The following SEPTIN7 variants were observed in gnomAD, a reference collection of about 807,000 sequenced individuals.
SEPTIN7 encodes the protein septin 7, also known as septin-7.
In SEPTIN7, 10 loss-of-function variants were observed where a neutral mutation model predicts 63.3. That is an observed-to-expected ratio of 0.16 (90% confidence interval 0.10 to 0.27). SEPTIN7 has a LOEUF of 0.27. Ranked by LOEUF, SEPTIN7 falls within the 10% of genes least tolerant of loss-of-function variation. The pLI, the probability that SEPTIN7 is intolerant of heterozygous loss-of-function variation, is 1.00. For synonymous variants in SEPTIN7, 131 were observed against 165.3 expected (o/e 0.79, Z 1.59); for missense variants, 310 against 521.0 (o/e 0.59, Z 3.94).
At chr7:35,865,765 T>A (rs1264365703) in intron 4 of SEPTIN7, among the ~76,000 whole-genome samples, 1 of 152,202 alleles carries the variant, frequency 6.6e-6, no homozygotes, top group Non-Finnish European at 1.5e-5. Flanking sequence ...ATAGGAGTTT[T>A]AAAAATCTAA....
chr7:35,896,603 TAAG>T (rs1389953797), intron 11 of SEPTIN7, among the ~76,000 whole-genome samples: 2 of 152,208 alleles, frequency 1.3e-5, no homozygotes, highest in Non-Finnish European at 2.9e-5. Context: ...AGTATATTAT[TAAG>T]AAGCATCTCA....
chr7:35,802,175 G>A (rs1329238390), intron 1 of SEPTIN7: 6 of 235,082 alleles, frequency 2.6e-5, no homozygotes, highest in African/African-American at 9.1e-5. Context: ...TTCTCTTAAC[G>A]AGCCCTTTCA....
Position 35,809,689 on chromosome 7 carries a change from T to G in SEPTIN7, c.61+8419T>G, listed in dbSNP as rs1170299316. ...AGGAGTAAAGATAATTATTCTAGAC[T>G]GAGAAATTATGTTAGTATCAGGTTA... On this transcript the variant is annotated intron_variant, in intron 1 of 13. Coordinates refer to ENST00000350320, the MANE Select transcript of SEPTIN7 (RefSeq NM_001788.6). Among the ~76,000 whole-genome samples, 16 of 152,320 alleles carry G rather than the reference T, an allele frequency of 1.1e-4. 1 individual carries two copies. The East Asian group carries it at 2.7e-3, about 26-fold the overall frequency.
intron 11 of SEPTIN7, among the ~76,000 whole-genome samples, chr7:35,891,625 C>T (rs1231517386): frequency 6.6e-6 from 1 of 152,138 alleles, no homozygotes; most frequent in African/African-American, 2.4e-5. Context: ...AGATTGATTG[C>T]TCTGGATGAG....
rs1788540964 is a variant in SEPTIN7, at chr7:35,905,028, A to T, written c.*735A>T. On this transcript the variant is annotated 3_prime_UTR_variant, in exon 14 of 14. Coordinates refer to ENST00000350320, the MANE Select transcript of SEPTIN7 (RefSeq NM_001788.6). Reference sequence around the variant, plus strand: ...AATATAGCATCTTTCATATGGTAGGAACCAACAAGGAAACTTTCCTTTAAC... The same window carrying T: ...AATATAGCATCTTTCATATGGTAGGTACCAACAAGGAAACTTTCCTTTAAC... The T allele has an allele frequency of 6.6e-6, 1 of 152,628 alleles. No individual in the cohort carries two copies. Among genetic ancestry groups the T allele is most frequent in the Admixed American group, 6.5e-5 (1 of 15,276 alleles). 9.5% of individuals were successfully genotyped at this position (152,628 alleles called of 1,614,324 possible). A position where few individuals can be genotyped will look rare whatever the true frequency, so the allele number is the denominator to read the frequency against.
the SEPTIN7 span, among the ~76,000 whole-genome samples, chr7:35,913,745 A>G: frequency 6.6e-6 from 1 of 152,050 alleles, no homozygotes; most frequent in Non-Finnish European, 1.5e-5. Context: ...GCATGCCACC[A>G]TGCCTAACTA....
At chr7:35,832,469 C>T (rs1783878976) in intron 2 of SEPTIN7, among the ~76,000 whole-genome samples, 1 of 151,772 alleles carries the variant, frequency 6.6e-6, no homozygotes, top group Non-Finnish European at 1.5e-5. Context: ...GTGAAGAATC[C>T]TTTGTTATTT....
intron 1 of SEPTIN7, among the ~76,000 whole-genome samples, chr7:35,807,465 C>T (rs1788424447): frequency 6.7e-6 from 1 of 150,196 alleles, no homozygotes; most frequent in African/African-American, 2.4e-5. Flanking sequence ...CCCGGGTTCA[C>T]ACCATTCTCC....
chr7:35,856,032 A>C (rs949811112), intron 3 of SEPTIN7, among the ~76,000 whole-genome samples: 1 of 152,134 alleles, frequency 6.6e-6, no homozygotes, highest in African/African-American at 2.4e-5. Flanking sequence ...ATGTGTTTCT[A>C]ATTTCCTTAA....
intron 4 of SEPTIN7, among the ~76,000 whole-genome samples, chr7:35,867,675 C>T (rs1168386472): frequency 6.6e-6 from 1 of 152,154 alleles, no homozygotes; most frequent in Non-Finnish European, 1.5e-5. Context: ...TTAAATCATA[C>T]TTCATGTCAC....
intron 10 of SEPTIN7, among the ~76,000 whole-genome samples, chr7:35,887,974 TAAGA>T (rs1389401252): frequency 6.6e-6 from 1 of 152,196 alleles, no homozygotes; most frequent in Non-Finnish European, 1.5e-5. Context: ...TGATTGCTTC[TAAGA>T]AAGAGGCAAG....
At chr7:35,830,889 G>A (rs1470528577) in intron 1 of SEPTIN7, among the ~76,000 whole-genome samples, 1 of 151,908 alleles carries the variant, frequency 6.6e-6, no homozygotes, top group Admixed American at 6.6e-5. Flanking sequence ...TCCTTTTCCT[G>A]TATCTAAATG....
chr7:35,903,055 A>G (rs1351024209), intron 12 of SEPTIN7, 21 bp from the exon 13 acceptor site: 9 of 1,530,336 alleles, frequency 5.9e-6, no homozygotes, highest in African/African-American at 2.8e-5. Flanking sequence ...GTTTTGTTTT[A>G]TATATTGTGC....
chr7:35,877,193 GTTATTCCATCTACACACAC>G (rs1194173346), intron 6 of SEPTIN7, among the ~76,000 whole-genome samples: 1 of 151,776 alleles, frequency 6.6e-6, no homozygotes, highest in Non-Finnish European at 1.5e-5. Context: ...TATAAACAGG[GTTATTCCATCTACACACAC>G]TTTTTTCGTT....
chr7:35,807,294 C>G (rs1378552988), intron 1 of SEPTIN7, among the ~76,000 whole-genome samples: 1 of 151,018 alleles, frequency 6.6e-6, no homozygotes, highest in Non-Finnish European at 1.5e-5. Context: ...AGTGATTCTC[C>G]TGCCTCAGCC....
rs926299132 is a variant in SEPTIN7, at chr7:35,906,916, A to G, written c.*2623A>G. The G allele has an allele frequency of 4.6e-5, 7 of 152,238 alleles. No homozygotes were observed. The highest frequency in any genetic ancestry group is 1.7e-4 in the African/African-American group (7 of 41,454). The allele number at this position is 152,238 out of a possible 1,614,324, so 9.4% of individuals were successfully genotyped here. A position where few individuals can be genotyped will look rare whatever the true frequency, so the allele number is the denominator to read the frequency against. On this transcript the variant is annotated 3_prime_UTR_variant, in exon 14 of 14. Transcript: ENST00000350320. ...TAGCTATGAATGCATGAGGAGCGAA[A>G]TGTTGACTCAGTTATCTAGATCATG...
chr7:35,842,640 T>C (rs1238183661), intron 3 of SEPTIN7, among the ~76,000 whole-genome samples: 1 of 152,324 alleles, frequency 6.6e-6, no homozygotes, highest in East Asian at 1.9e-4. Context: ...CTGAAAATTA[T>C]AGGTACAAAG....
At chr7:35,893,611 T>C (rs923862573) in intron 11 of SEPTIN7, among the ~76,000 whole-genome samples, 34 of 152,298 alleles carry the variant, frequency 2.2e-4, no homozygotes, top group African/African-American at 7.9e-4. Flanking sequence ...GTATCCCCGT[T>C]GTTAAGCAGT....
chr7:35,865,626 T>C (rs117058051), intron 4 of SEPTIN7, among the ~76,000 whole-genome samples: 7,705 of 152,226 alleles, frequency 0.051, 283 homozygotes, highest in Non-Finnish European at 0.074. Flanking sequence ...TGTGTGTGCA[T>C]AAAGATATAA....
Sources: gnomAD v4.1 joint callset for allele counts (sites outside exome capture counted in the v4.1 genomes callset) on GRCh38, gnomAD v4.1.1 for gene constraint, MANE v1.5 for transcripts, NCBI Gene and HGNC (gene_info 2026-07-23, HGNC 2026-07-21) for gene names.